PKD1L3: variants seen among roughly 807,000 people sequenced by gnomAD.
PKD1L3 encodes the protein polycystin-1-like protein 3.
In PKD1L3, 239 loss-of-function variants were observed where a neutral mutation model predicts 184.1. The ratio of observed to expected loss-of-function variants is 1.30; its 90% confidence interval spans 1.17 to 1.45. The LOEUF is 1.45. Ranked by LOEUF, PKD1L3 falls within the 40% of genes most tolerant of loss-of-function variation. The pLI is 0.00. For missense variants in PKD1L3, 2,660 were observed against 2,067.2 expected, an observed-to-expected ratio of 1.29 and a Z score of -5.56; for synonymous variants, 996 against 778.8, an observed-to-expected ratio of 1.28 and a Z score of -4.64.
rs141948175 is a variant in PKD1L3, at chr16:71,971,643, A to G, written c.1954-1538T>C. Among the ~76,000 whole-genome samples, 109 of 152,328 alleles carry G rather than the reference A, an allele frequency of 7.2e-4. 1 individual carries two copies. In the South Asian group the frequency reaches 0.018, roughly 25 times the overall value. On this transcript the variant is annotated intron_variant, in intron 12 of 29. Coordinates refer to ENST00000620267, the MANE Select transcript of PKD1L3 (RefSeq NM_181536.2). ...CTCTACTCAAAGTATGGTTTCCCTA[A>G]CAAGCAGCACTGGGATCAGCTGGAA...
intron 11 of PKD1L3, among the ~76,000 whole-genome samples, chr16:71,976,916 T>C (rs1202132765): frequency 1.3e-5 from 2 of 151,788 alleles, no homozygotes; most frequent in African/African-American, 2.4e-5. Flanking sequence ...CTAATTTTTT[T>C]GCATTTTTAG....
At chr16:71,996,871 A>G (rs1234990795) in intron 2 of PKD1L3, among the ~76,000 whole-genome samples, 2 of 151,802 alleles carry the variant, frequency 1.3e-5, no homozygotes, top group Non-Finnish European at 1.5e-5. Context: ...GAGAGAAGGC[A>G]TTATCTCTCT....
intron 4 of PKD1L3, among the ~76,000 whole-genome samples, chr16:71,987,266 G>A (rs915261407): frequency 6.6e-6 from 1 of 151,304 alleles, no homozygotes; most frequent in African/African-American, 2.4e-5. Context: ...TGTCACCCGG[G>A]CTGGAGTACA....
intron 16 of PKD1L3, among the ~76,000 whole-genome samples, chr16:71,956,467 A>C (rs2143449075): frequency 6.6e-6 from 1 of 151,930 alleles, no homozygotes; most frequent in East Asian, 1.9e-4. Flanking sequence ...TGCTGAGATT[A>C]CAGGTGTGAG....
At chr16:71,941,036 C>T (rs934607037) in intron 24 of PKD1L3, among the ~76,000 whole-genome samples, 3 of 152,016 alleles carry the variant, frequency 2.0e-5, no homozygotes, top group South Asian at 4.2e-4. Context: ...AGGTTTCACA[C>T]CATGTTGCCC....
chr16:71,950,076 G>A, intron 20 of PKD1L3, 42 bp downstream of exon 20: 3 of 1,548,932 alleles, frequency 1.9e-6, no homozygotes, highest in Non-Finnish European at 2.6e-6. Flanking sequence ...AGAGGATGAG[G>A]AAGATTACAG....
intron 13 of PKD1L3, among the ~76,000 whole-genome samples, chr16:71,969,504 G>T (rs1156820906): frequency 3.6e-5 from 5 of 137,568 alleles, no homozygotes; most frequent in Non-Finnish European, 6.1e-5. Flanking sequence ...TAGAGACAAG[G>T]TCTTGTTATG....
In PKD1L3 at chr16:71,993,211, A is replaced by G. The variant is rs2040659151; in HGVS notation, c.535+5T>C. 6.5e-7 allele frequency: 1 copy of G among 1,535,126 alleles called. No homozygotes were observed. Among genetic ancestry groups the G allele is most frequent in the Non-Finnish European group, 8.8e-7 (1 of 1,134,694 alleles). ...TTTAAGGTTACTAGAGGAGTAACGC[A>G]TTACCTGGGGGCATTTTGTCTCTTG... is the stretch of plus-strand genomic sequence containing the variant. On this transcript the variant is annotated splice_donor_5th_base_variant and intron_variant, in intron 3 of 29. Coordinates refer to ENST00000620267, the MANE Select transcript of PKD1L3 (RefSeq NM_181536.2).
intron 10 of PKD1L3, 90 bp from the exon 11 acceptor site, chr16:71,977,557 G>GTTCTTC: frequency 3.0e-6 from 2 of 671,624 alleles, no homozygotes; most frequent in Non-Finnish European, 4.4e-6. Flanking sequence ...AAACGTCCTA[G>GTTCTTC]CTCTTTTTTT....
chr16:71,993,899 C>T (rs908266305), intron 2 of PKD1L3, among the ~76,000 whole-genome samples: 2 of 152,116 alleles, frequency 1.3e-5, no homozygotes, highest in Non-Finnish European at 1.5e-5. Flanking sequence ...CTCAGCCTCC[C>T]GAGTAGCTGG....
At chr16:71,943,963 C>T in intron 23 of PKD1L3, 67 bp downstream of exon 23, 1 of 1,453,138 alleles carries the variant, frequency 6.9e-7, no homozygotes, top group Non-Finnish European at 9.2e-7. Context: ...CCATTTTATT[C>T]TCTCTCTTCC....
intron 12 of PKD1L3, 124 bp downstream of exon 12, chr16:71,973,200 C>T: frequency 8.3e-7 from 1 of 1,199,156 alleles, no homozygotes. Flanking sequence ...TTTGCCCAGG[C>T]AGAGTTATTT....
chr16:71,931,096 G>C (rs1567482998), intron 28 of PKD1L3: 1 of 151,934 alleles, frequency 6.6e-6, no homozygotes, highest in Non-Finnish European at 1.5e-5. Context: ...TGCTCTATTT[G>C]TTTTTTAATG....
chr16:71,953,614 G>T (rs992522364), intron 17 of PKD1L3, among the ~76,000 whole-genome samples: 1 of 152,070 alleles, frequency 6.6e-6, no homozygotes, highest in Non-Finnish European at 1.5e-5. Flanking sequence ...TTTAATCCCC[G>T]AGACGGGGTT....
Position 71,990,318 on chromosome 16 carries a change from G to C in PKD1L3, c.547C>G (p.Leu183Val), listed in dbSNP as rs868259801. The change falls in exon 4 of 30, where the codon CTT becomes GTT. Residue 183 changes from leucine (L) to valine (V), a missense_variant. Transcript: ENST00000620267. The part of the protein sequence containing the change: ...RDKMPPGPGH[L>V]PTTCHYPLPA... The stretch of plus-strand genomic sequence containing the variant: ...AGAGGATAGTGACATGTGGTTGGAA[G>C]ATGACCAGGTCCTATAGAAAAAAGA... The C allele has an allele frequency of 6.5e-7, 1 of 1,548,114 alleles. No individual in the cohort carries two copies. Among genetic ancestry groups the C allele is most frequent in the Non-Finnish European group, 8.7e-7 (1 of 1,144,208 alleles).
chr16:71,958,371 A>G, intron 16 of PKD1L3, among the ~76,000 whole-genome samples: 1 of 140,116 alleles, frequency 7.1e-6, no homozygotes, highest in Non-Finnish European at 1.6e-5. Flanking sequence ...TGGGCGACAG[A>G]GCGAGACTCC....
In PKD1L3 at chr16:71,975,462, C is replaced by G. The variant is rs554318672; in HGVS notation, c.1759+1774G>C. Among the ~76,000 whole-genome samples the G allele has an allele frequency of 5.2e-4, 79 of 152,192 alleles. 2 individuals are homozygous for G. The highest frequency in any genetic ancestry group is 2.1e-4 in the South Asian group (1 of 4,814). On this transcript the variant is annotated intron_variant, in intron 11 of 29. Transcript: ENST00000620267. ...CAAGGCATACTGAGATATCATCAGG[C>G]CTTTCTTCCTCAAATCTAAGATTAG...
intron 28 of PKD1L3, chr16:71,931,015 T>C (rs916773854): frequency 2.6e-5 from 4 of 152,252 alleles, no homozygotes; most frequent in Non-Finnish European, 5.9e-5. Context: ...GGGCAATCTC[T>C]GAGTTTGTGA....
chr16:71,968,756 C>A (rs143173187), intron 13 of PKD1L3, among the ~76,000 whole-genome samples: 25 of 151,832 alleles, frequency 1.6e-4, no homozygotes, highest in Admixed American at 9.2e-4. Context: ...CCACCACAGC[C>A]GGCTAATTTT....
Sources: allele counts gnomAD v4.1 joint callset (sites outside exome capture counted in the v4.1 genomes callset), GRCh38; gene constraint gnomAD v4.1.1; transcripts MANE v1.5; gene names NCBI Gene and HGNC (gene_info 2026-07-23, HGNC 2026-07-21).